Variants in SCHIP1 observed in about 807,000 individuals in gnomAD.
SCHIP1 encodes the protein schwannomin-interacting protein 1.
SCHIP1 carries 8 observed loss-of-function variants against 29.7 expected under a neutral mutation model. The observed-to-expected ratio is 0.27, with a 90% CI of 0.16 to 0.49. The LOEUF is 0.49. Ranked by LOEUF, SCHIP1 falls within the 20% of genes least tolerant of loss-of-function variation. SCHIP1 has a pLI of 0.99. For synonymous variants in SCHIP1, 76 were observed against 94.9 expected, an observed-to-expected ratio of 0.80 and a Z score of 1.16; for missense variants, 193 against 294.6, an observed-to-expected ratio of 0.66 and a Z score of 2.52.
At chr3:159,506,955 C>T in the SCHIP1 span, among the ~76,000 whole-genome samples, 5 of 152,092 alleles carry the variant, frequency 3.3e-5, no homozygotes, top group African/African-American at 1.2e-4. Context: ...GCGGGCTCTT[C>T]TTTGGTTCCA....
At chr3:159,735,231 C>T in the SCHIP1 span, among the ~76,000 whole-genome samples, 1 of 144,254 alleles carries the variant, frequency 6.9e-6, no homozygotes, top group Non-Finnish European at 1.5e-5. Context: ...CCAATTGCTA[C>T]TTTTTTTTTT....
the SCHIP1 span, among the ~76,000 whole-genome samples, chr3:159,395,364 T>A: frequency 6.6e-6 from 1 of 152,180 alleles, no homozygotes; most frequent in East Asian, 1.9e-4. Flanking sequence ...TCTGCTAGCT[T>A]TTGAATGTGT....
chr3:159,350,152 T>C, the SCHIP1 span, among the ~76,000 whole-genome samples: 1 of 152,164 alleles, frequency 6.6e-6, no homozygotes, highest in Non-Finnish European at 1.5e-5. Context: ...TTTTTACACA[T>C]ATTATTGTAT....
the SCHIP1 span, among the ~76,000 whole-genome samples, chr3:159,459,283 G>A: frequency 6.6e-6 from 1 of 152,080 alleles, no homozygotes; most frequent in African/African-American, 2.4e-5. Flanking sequence ...AAAGCTCAGA[G>A]ATTTAACTGC....
At chr3:159,647,697 G>A in the SCHIP1 span, among the ~76,000 whole-genome samples, 26 of 152,262 alleles carry the variant, frequency 1.7e-4, no homozygotes, top group African/African-American at 5.5e-4. Flanking sequence ...ACTGGTCCAA[G>A]ATAAAACAAT....
chr3:159,765,163 A>ACG, the SCHIP1 span: 9 of 1,540,072 alleles, frequency 5.8e-6, no homozygotes, highest in Non-Finnish European at 7.9e-6. Context: ...GTGCGTGCCC[A>ACG]CGCGCGCACA....
the SCHIP1 span, among the ~76,000 whole-genome samples, chr3:159,832,166 A>G: frequency 1.3e-5 from 2 of 152,120 alleles, no homozygotes; most frequent in East Asian, 3.9e-4. Flanking sequence ...AGCAGCTCCA[A>G]CCAAGCAGCT....
At chr3:159,675,318 T>A in the SCHIP1 span, among the ~76,000 whole-genome samples, 3 of 152,216 alleles carry the variant, frequency 2.0e-5, no homozygotes, top group East Asian at 5.8e-4. Context: ...ACACAGTCCC[T>A]GCAAATTAAG....
At chr3:159,839,301 AAC>A (rs34529906), upstream of SCHIP1, among the ~76,000 whole-genome samples, 40 of 148,540 alleles carry the variant, frequency 2.7e-4, no homozygotes, top group African/African-American at 4.0e-4. Context: ...AAAAAAAAAA[AAC>A]CTTCCAATTA....
At chr3:159,852,546 T>A (rs888569945) in intron 1 of SCHIP1, among the ~76,000 whole-genome samples, 1 of 152,154 alleles carries the variant, frequency 6.6e-6, no homozygotes, top group African/African-American at 2.4e-5. Flanking sequence ...CCAGAAGCCA[T>A]GGGAAAAGTG....
the SCHIP1 span, among the ~76,000 whole-genome samples, chr3:159,507,276 A>G: frequency 0.17 from 25,427 of 151,362 alleles, 2,354 homozygotes; most frequent in South Asian, 0.35. Flanking sequence ...TTTGTCTGTT[A>G]TTGGTGTATA....
intron 1 of SCHIP1, among the ~76,000 whole-genome samples, chr3:159,846,674 A>G (rs546632575): frequency 1.3e-5 from 2 of 152,208 alleles, no homozygotes; most frequent in Admixed American, 1.3e-4. Flanking sequence ...GTTCAATGAG[A>G]CAATTTTCTG....
chr3:159,336,918 A>G, the SCHIP1 span, among the ~76,000 whole-genome samples: 325 of 152,264 alleles, frequency 2.1e-3, no homozygotes, highest in African/African-American at 7.5e-3. Context: ...CATTGAATCT[A>G]TAAATTACCT....
At chr3:159,365,624 G>A in the SCHIP1 span, among the ~76,000 whole-genome samples, 8 of 152,156 alleles carry the variant, frequency 5.3e-5, no homozygotes, top group Non-Finnish European at 1.0e-4. Context: ...ACATTAGATG[G>A]TTGAGTTGGT....
At chr3:159,677,224 C>A in the SCHIP1 span, among the ~76,000 whole-genome samples, 3 of 152,216 alleles carry the variant, frequency 2.0e-5, no homozygotes, top group Non-Finnish European at 2.9e-5. Flanking sequence ...AGCCTACAAC[C>A]CTGACCTATA....
At chr3:159,320,036 G>A in the SCHIP1 span, among the ~76,000 whole-genome samples, 1 of 152,236 alleles carries the variant, frequency 6.6e-6, no homozygotes, top group Non-Finnish European at 1.5e-5. Context: ...TGGAGCCTTT[G>A]AGAGGTGATC....
chr3:159,586,206 C>T, the SCHIP1 span, among the ~76,000 whole-genome samples: 16 of 152,034 alleles, frequency 1.1e-4, no homozygotes, highest in African/African-American at 3.9e-4. Context: ...TGGTTTTGGC[C>T]ACAGGGATGT....
chr3:159,837,422 T>G (rs1310934891), upstream of SCHIP1, among the ~76,000 whole-genome samples: 1 of 152,198 alleles, frequency 6.6e-6, no homozygotes, highest in East Asian at 1.9e-4. Flanking sequence ...TTTGCTCATA[T>G]TTAGAATTCC....
At chr3:159,891,796 A>G (rs1717568818) in intron 5 of SCHIP1, among the ~76,000 whole-genome samples, 1 of 152,080 alleles carries the variant, frequency 6.6e-6, no homozygotes, top group Non-Finnish European at 1.5e-5. Context: ...TGCTGTTCAC[A>G]TTTTTTCTTC....
Sources: allele counts gnomAD v4.1 joint callset (sites outside exome capture counted in the v4.1 genomes callset), GRCh38; gene constraint gnomAD v4.1.1; transcripts MANE v1.5; gene names NCBI Gene and HGNC (gene_info 2026-07-23, HGNC 2026-07-21).